NANS: variants seen among roughly 807,000 people sequenced by gnomAD.
NANS encodes the protein N-acetylneuraminate synthase, also known as N-acetylneuraminate-9-phosphate synthase.
In NANS, 29 loss-of-function variants were observed where a neutral mutation model predicts 33.3. The ratio of observed to expected loss-of-function variants is 0.87; its 90% CI spans 0.65 to 1.19. The LOEUF (loss-of-function observed/expected upper bound fraction) is 1.19, where lower values mean the gene tolerates loss of function less well. Among genes scored for constraint, NANS ranks in the 50% most tolerant of loss-of-function variants. The probability of loss-of-function intolerance (pLI) is 0.00; values close to 1 mark genes in which losing one functional copy is unlikely to be tolerated. For synonymous variants in NANS, 163 were observed against 177.2 expected (o/e 0.92, Z 0.64); for missense variants, 394 against 461.1 (o/e 0.85, Z 1.33).
intron 3 of NANS, 44 bp from the exon 4 acceptor site, chr9:98,078,149 C>T: frequency 6.2e-7 from 1 of 1,613,108 alleles, no homozygotes; most frequent in Non-Finnish European, 8.5e-7. Context: ...GAGTCAGAAC[C>T]TCTAAAGAGA....
At position 98,060,895 on chromosome 9, in the gene NANS, G is replaced by C; in HGVS notation, c.246G>C (p.Gly82=). The change falls in exon 2 of 6, where the codon GGG becomes GGC. Residue 82 remains glycine, a synonymous_variant. Transcript: ENST00000210444. The part of the protein sequence containing the change: ...TSKHSWGKTY[G]EHKRHLEFSH... ...AGCATTCCTGGGGGAAGACGTACGG[G>C]GAGCACAAACGACATCTGGAGTTCA... The C allele has an allele frequency of 6.2e-7, 1 of 1,614,188 alleles. No homozygotes were observed.
rs142106033 is a variant in NANS at position 98,073,349 on chromosome 9, C to A, written c.349-3569C>A. Among the ~76,000 whole-genome samples the A allele has an allele frequency of 7.8e-3, 969 of 124,748 alleles. 5 individuals carry two copies. Among genetic ancestry groups the A allele is most frequent in the African/African-American group, 0.029 (916 of 31,458 alleles). The allele number at this position is 124,748 out of a possible 152,430, so 81.8% of individuals were successfully genotyped here. ...ACCCAGGCTGGAGTGCAATGGCATG[C>A]TCTTGGCTCACTGCAACCTCCACCT... On this transcript the variant is annotated intron_variant, in intron 2 of 5. Transcript: ENST00000210444.
intron 2 of NANS, chr9:98,061,198 C>T (rs989140015): frequency 2.1e-5 from 12 of 578,952 alleles, no homozygotes; most frequent in Non-Finnish European, 3.4e-5. Context: ...TGTCTCTGGC[C>T]GGGCTTGATG....
intron 2 of NANS, among the ~76,000 whole-genome samples, chr9:98,065,911 C>A (rs947029566): frequency 3.3e-5 from 5 of 152,120 alleles, no homozygotes; most frequent in Non-Finnish European, 7.3e-5. Flanking sequence ...TTTTGCCCCC[C>A]ACCATGATTC....
intron 2 of NANS, among the ~76,000 whole-genome samples, chr9:98,064,345 C>T (rs913274773): frequency 2.0e-5 from 3 of 152,118 alleles, no homozygotes; most frequent in Non-Finnish European, 4.4e-5. Flanking sequence ...CCTCCACCTC[C>T]CGGGTTCAAG....
chr9:98,061,138 A>G, intron 2 of NANS, 141 bp downstream of exon 2: 1 of 746,208 alleles, frequency 1.3e-6, no homozygotes, highest in Non-Finnish European at 2.2e-6. Flanking sequence ...AGCAGGCGCC[A>G]AAGCCCAGTG....
intron 4 of NANS, among the ~76,000 whole-genome samples, chr9:98,079,095 C>T (rs1050322509): frequency 2.0e-5 from 3 of 152,080 alleles, no homozygotes; most frequent in African/African-American, 2.4e-5. Flanking sequence ...CTCTCTCCCA[C>T]GATTTTGCCT....
At position 98,076,861 on chromosome 9, in the gene NANS, A is replaced by G. The variant is rs559076726; in HGVS notation, c.349-57A>G. 11 of 1,417,814 alleles carry G rather than the reference A, an allele frequency of 7.8e-6. No homozygotes were observed. The East Asian group carries it at 2.3e-4, about 30-fold the overall frequency. The allele number at this position is 1,417,814 out of a possible 1,614,324, so 87.8% of individuals were successfully genotyped here. A position where few individuals can be genotyped will look rare whatever the true frequency, so the allele number is the denominator to read the frequency against. On this transcript the variant is annotated intron_variant, in intron 2 of 5. Coordinates refer to ENST00000210444, the MANE Select transcript of NANS (RefSeq NM_018946.4). ...ACTTGTATGTTATTCCTTGCCTGTC[A>G]TAACAACAGTGTTTTTGGACAATGG...
At chr9:98,078,073 G>C in intron 3 of NANS, 120 bp from the exon 4 acceptor site, 1 of 1,444,346 alleles carries the variant, frequency 6.9e-7, no homozygotes, top group Non-Finnish European at 9.5e-7. Context: ...GGCTGGCACA[G>C]TGTTTTAAGA....
intron 2 of NANS, 134 bp from the exon 3 acceptor site, chr9:98,076,784 T>C (rs893486829): frequency 1.7e-5 from 11 of 664,040 alleles, no homozygotes; most frequent in Middle Eastern, 4.9e-4. Context: ...AATCTTTGCC[T>C]GCTTTCAAGT....
At chr9:98,075,646 T>G (rs1437643842) in intron 2 of NANS, 1 of 152,204 alleles carries the variant, frequency 6.6e-6, no homozygotes, top group Non-Finnish European at 1.5e-5. Context: ...AACTTATTTC[T>G]GAGTCACCAT....
At chr9:98,075,150 TAA>T (rs200760287) in intron 2 of NANS, 29 of 137,724 alleles carry the variant, frequency 2.1e-4, no homozygotes, top group Admixed American at 3.6e-4. Flanking sequence ...CACAGCAAAT[TAA>T]AAAAAAAAAA....
Position 98,056,733 on chromosome 9 carries a change from C to G in NANS, c.-76C>G. 6.5e-7 allele frequency: 1 copy of G among 1,545,120 alleles called. No homozygotes were observed. Among genetic ancestry groups the G allele is most frequent in the Non-Finnish European group, 8.7e-7 (1 of 1,150,218 alleles). On this transcript the variant is annotated 5_prime_UTR_variant, in exon 1 of 6. Coordinates refer to ENST00000210444, the MANE Select transcript of NANS (RefSeq NM_018946.4). The stretch of plus-strand genomic sequence containing the variant: ...CGTGTGGGTCTCGCAGCGTTGCTCA[C>G]AGAACAGAGTAGAGGCGGCGGCGGC...
intron 2 of NANS, among the ~76,000 whole-genome samples, chr9:98,070,275 G>A (rs887032074): frequency 3.9e-5 from 6 of 151,988 alleles, no homozygotes; most frequent in African/African-American, 1.5e-4. Flanking sequence ...ATGCCACCAT[G>A]CCCAGCTAAT....
rs375572971 is a variant in NANS at position 98,078,434 on chromosome 9, T to A, written c.603+87T>A. ...TTTATAACCAAAATTCTAACAAACATGGCATACTTTATAATTTGAACATCC... is the reference window on the plus strand; with the variant it reads ...TTTATAACCAAAATTCTAACAAACAAGGCATACTTTATAATTTGAACATCC... On this transcript the variant is annotated intron_variant, in intron 4 of 5. Coordinates refer to ENST00000210444, the MANE Select transcript of NANS (RefSeq NM_018946.4). 16 of 1,455,802 alleles carry A rather than the reference T, an allele frequency of 1.1e-5. No individual in the cohort carries two copies. The African/African-American group carries it at 2.0e-4, about 18-fold the overall frequency. The allele number at this position is 1,455,802 out of a possible 1,614,324, so 90.2% of individuals were successfully genotyped here. A position where few individuals can be genotyped will look rare whatever the true frequency, so the allele number is the denominator to read the frequency against.
Position 98,056,803 on chromosome 9 carries a change from GC to G in NANS, c.-5del. On this transcript the variant is annotated 5_prime_UTR_variant, in exon 1 of 6. Coordinates refer to ENST00000210444, the MANE Select transcript of NANS (RefSeq NM_018946.4). ...GTAGTGAGGCTTTGGACCCCGAGCC[GC>G]TGCAATGCCGCTGGAGCTGGAGCTG... 6.2e-7 allele frequency: 1 copy of G among 1,611,144 alleles called. No individual in the cohort carries two copies. Among genetic ancestry groups the G allele is most frequent in the Non-Finnish European group, 8.5e-7 (1 of 1,179,264 alleles).
chr9:98,063,667 G>A (rs549862132), intron 2 of NANS, among the ~76,000 whole-genome samples: 1 of 151,562 alleles, frequency 6.6e-6, no homozygotes, highest in Admixed American at 6.6e-5. Context: ...TCAGCCTGCT[G>A]AGTAGCTGGG....
intron 2 of NANS, among the ~76,000 whole-genome samples, chr9:98,070,709 C>T (rs1381589341): frequency 6.6e-6 from 1 of 151,762 alleles, no homozygotes; most frequent in Non-Finnish European, 1.5e-5. Context: ...CATGAGCCAT[C>T]GCGCCTGGTC....
intron 2 of NANS, 39 bp downstream of exon 2, chr9:98,061,036 G>T: frequency 6.3e-7 from 1 of 1,599,762 alleles, no homozygotes; most frequent in South Asian, 1.1e-5. Flanking sequence ...CACTTTAGCA[G>T]ACCAAGGGTC....
Sources: gnomAD v4.1 joint callset for allele counts (sites outside exome capture counted in the v4.1 genomes callset) on GRCh38, gnomAD v4.1.1 for gene constraint, MANE v1.5 for transcripts, NCBI Gene and HGNC (gene_info 2026-07-23, HGNC 2026-07-21) for gene names.